Variants in PCNX2 observed in about 807,000 individuals in gnomAD.
PCNX2 encodes the protein pecanex 2, also known as pecanex-like protein 2.
PCNX2 carries 168 observed loss-of-function variants against 223.8 expected under a neutral mutation model. The observed-to-expected ratio is 0.75, with a 90% CI of 0.66 to 0.85. The LOEUF (loss-of-function observed/expected upper bound fraction) is 0.85, where lower values mean the gene tolerates loss of function less well. Among genes scored for constraint, PCNX2 ranks in the 40% least tolerant of loss-of-function variants. The probability of loss-of-function intolerance (pLI) is 0.00; values close to 1 mark genes in which losing one functional copy is unlikely to be tolerated. For synonymous variants in PCNX2, 1,006 were observed against 1,052.6 expected (o/e 0.96, Z 0.86); for missense variants, 2,507 against 2,675.5 (o/e 0.94, Z 1.39).
At chr1:233,191,348 G>A (rs978439619) in intron 15 of PCNX2, among the ~76,000 whole-genome samples, 46 of 152,240 alleles carry the variant, frequency 3.0e-4, no homozygotes, top group African/African-American at 1.1e-3. Context: ...GTTACAGAGA[G>A]CATGCATGTT....
At position 233,113,460 on chromosome 1, in the gene PCNX2, C is replaced by T. The variant is rs138600806; in HGVS notation, c.3838-17597G>A. ...TCAGCATCTCTCTAGAATAATAAAACGCCACCCAACCCCTGCATCCAAGCT... is the reference window on the plus strand; with the variant it reads ...TCAGCATCTCTCTAGAATAATAAAATGCCACCCAACCCCTGCATCCAAGCT... On this transcript the variant is annotated intron_variant, in intron 21 of 33. Coordinates refer to ENST00000258229, the MANE Select transcript of PCNX2 (RefSeq NM_014801.4). Among the ~76,000 whole-genome samples the T allele has an allele frequency of 2.3e-3, 344 of 152,312 alleles. 1 individual carries two copies. Among genetic ancestry groups the T allele is most frequent in the African/African-American group, 7.8e-3 (325 of 41,560 alleles).
intron 27 of PCNX2, among the ~76,000 whole-genome samples, chr1:233,015,034 T>C (rs76659968): frequency 6.6e-6 from 1 of 152,322 alleles, no homozygotes; most frequent in East Asian, 1.9e-4. Context: ...TGATCTGCTT[T>C]TCTGGGATTT....
rs548706952 is a variant in PCNX2, at chr1:233,205,536, A to T, written c.2863+2982T>A. 1.7e-3 allele frequency among the ~76,000 whole-genome samples: 262 copies of T among 152,280 alleles called. 1 individual carries two copies. Among genetic ancestry groups the T allele is most frequent in the Middle Eastern group, 3.4e-3 (1 of 294 alleles). ...TGGTGAAACCCCGTATCTACTAAAA[A>T]ATACAAAAATTAGCTAGGTATGATG... On this transcript the variant is annotated intron_variant, in intron 13 of 33. Coordinates refer to ENST00000258229, the MANE Select transcript of PCNX2 (RefSeq NM_014801.4).
intron 23 of PCNX2, among the ~76,000 whole-genome samples, chr1:233,078,029 G>A (rs1261873439): frequency 6.6e-6 from 1 of 152,204 alleles, no homozygotes; most frequent in African/African-American, 2.4e-5. Context: ...CCAAGAAGCA[G>A]CAACTCTATG....
At position 233,262,173 on chromosome 1, in the gene PCNX2, A is replaced by C; in HGVS notation, c.360-8T>G. The C allele has an allele frequency of 6.2e-7, 1 of 1,613,492 alleles. No homozygotes were observed. Among genetic ancestry groups the C allele is most frequent in the Non-Finnish European group, 8.5e-7 (1 of 1,179,562 alleles). ...TGAATCTGCCTATTATTGCTAACCC[A>C]ACATGAGAAACACAAGAGCAGTGAG... On this transcript the variant is annotated splice_polypyrimidine_tract_variant and splice_region_variant and intron_variant, in intron 2 of 33. Coordinates refer to ENST00000258229, the MANE Select transcript of PCNX2 (RefSeq NM_014801.4).
At chr1:233,226,886 C>T (rs911765419) in intron 10 of PCNX2, among the ~76,000 whole-genome samples, 4 of 152,258 alleles carry the variant, frequency 2.6e-5, no homozygotes, top group South Asian at 4.1e-4. Context: ...TAGGGCAAGA[C>T]GTGAGTACAC....
At chr1:233,101,988 T>C (rs1482377968) in intron 21 of PCNX2, among the ~76,000 whole-genome samples, 10 of 152,176 alleles carry the variant, frequency 6.6e-5, no homozygotes, top group Admixed American at 6.5e-4. Context: ...ATTTAAACTG[T>C]TCCAGTAAGG....
intron 8 of PCNX2, 38 bp downstream of exon 8, chr1:233,250,701 G>A (rs1363388333): frequency 6.4e-7 from 1 of 1,556,370 alleles, no homozygotes; most frequent in Non-Finnish European, 8.7e-7. Context: ...TCCCAGCAAT[G>A]CAACAGCTCT....
intron 23 of PCNX2, among the ~76,000 whole-genome samples, chr1:233,088,521 C>T (rs1056529178): frequency 2.6e-5 from 4 of 152,120 alleles, no homozygotes; most frequent in Admixed American, 2.6e-4. Context: ...TACTCTCTGG[C>T]TCTGTAAATA....
intron 19 of PCNX2, among the ~76,000 whole-genome samples, chr1:233,149,288 A>G (rs1003733431): frequency 3.9e-5 from 6 of 152,248 alleles, no homozygotes; most frequent in Admixed American, 2.0e-4. Flanking sequence ...TGTTTTGTTT[A>G]GACTCTTTAT....
At position 233,160,282 on chromosome 1, in the gene PCNX2, C is replaced by A. The variant is rs1279684434; in HGVS notation, c.3517+1G>T. The A allele has an allele frequency of 6.2e-7, 1 of 1,609,236 alleles. No homozygotes were observed. Among genetic ancestry groups the A allele is most frequent in the Non-Finnish European group, 8.5e-7 (1 of 1,176,922 alleles). On this transcript the variant is annotated splice_donor_variant, in intron 19 of 33. Transcript: ENST00000258229. LOFTEE classifies it high-confidence loss of function. ...TTTTAAATGAGGGATATATTACTAACCTCTCACTTCCCGTTGATGATACTC... is the reference window on the plus strand; with the variant it reads ...TTTTAAATGAGGGATATATTACTAAACTCTCACTTCCCGTTGATGATACTC...
chr1:233,054,430 G>C lies in PCNX2; in HGVS notation c.4189C>G (p.Leu1397Val). Residue 1397 changes from leucine to valine, a missense_variant, in exon 25 of 34, where the codon CTC (leucine) becomes GTC (valine). Around this residue, in one of 3 missense-constraint regions of PCNX2, gnomAD observed 1,372 missense variants for 1,509.4 expected, o/e 0.91. Transcript: ENST00000258229. ...SIFYEHLTRT[L>V]QESLCGDLVL... is the part of the protein sequence containing the mutation. ...AAGTCTCCACAGAGGGACTCCTGGA[G>C]GGTCCTTGTCAAGTGTTCATAAAAA... The C allele has an allele frequency of 6.2e-7, 1 of 1,613,880 alleles. No homozygotes were observed. The highest frequency in any genetic ancestry group is 8.5e-7 in the Non-Finnish European group (1 of 1,179,828).
chr1:233,028,160 T>A (rs939720752), intron 25 of PCNX2, among the ~76,000 whole-genome samples: 1 of 152,212 alleles, frequency 6.6e-6, no homozygotes, highest in African/African-American at 2.4e-5. Flanking sequence ...TAGCACATGG[T>A]GTATTTCGGT....
intron 25 of PCNX2, chr1:233,033,118 C>T: frequency 1.0e-6 from 1 of 985,428 alleles, no homozygotes; most frequent in Non-Finnish European, 1.2e-6. Context: ...GTCAAGCTGG[C>T]AAGGCTGTCT....
intron 19 of PCNX2, among the ~76,000 whole-genome samples, chr1:233,142,536 C>T (rs1677192592): frequency 6.6e-6 from 1 of 152,192 alleles, no homozygotes; most frequent in Admixed American, 6.5e-5. Context: ...CCAGTCTTCT[C>T]TGTGTGGAAA....
At chr1:232,996,990 TTCTC>T (rs908321961) in intron 32 of PCNX2, among the ~76,000 whole-genome samples, 15 of 152,254 alleles carry the variant, frequency 9.9e-5, no homozygotes, top group Admixed American at 9.2e-4. Flanking sequence ...AATTGACTGT[TTCTC>T]TACCTACGCT....
intron 17 of PCNX2, among the ~76,000 whole-genome samples, chr1:233,172,010 ATTTG>A (rs573943981): frequency 5.5e-4 from 83 of 151,750 alleles, no homozygotes; most frequent in African/African-American, 1.3e-3. Flanking sequence ...CAATTGATTC[ATTTG>A]TTTGTTTGTT....
chr1:233,020,737 G>A (rs546736590), intron 26 of PCNX2, among the ~76,000 whole-genome samples: 13 of 152,184 alleles, frequency 8.5e-5, no homozygotes, highest in South Asian at 4.1e-4. Flanking sequence ...ACTGCTAAGC[G>A]GGTTTTAAAC....
rs532260419 is a variant in PCNX2 at position 233,036,119 on chromosome 1, T to C, written c.4352-10720A>G. ...ACAGTGGGATTCTCACCACCCTCCC[T>C]CCCTGCCCCACAAACTTCTCCTGCA... On this transcript the variant is annotated intron_variant, in intron 25 of 33. Coordinates refer to ENST00000258229, the MANE Select transcript of PCNX2 (RefSeq NM_014801.4). Among the ~76,000 whole-genome samples the C allele has an allele frequency of 2.6e-5, 4 of 151,372 alleles. No homozygotes were observed. In the South Asian group the frequency reaches 8.4e-4, roughly 32 times the overall value.
Sources: allele counts gnomAD v4.1 joint callset (sites outside exome capture counted in the v4.1 genomes callset), GRCh38; gene constraint gnomAD v4.1.1; regional missense constraint gnomAD v4.1.1; transcripts MANE v1.5; gene names NCBI Gene and HGNC (gene_info 2026-07-23, HGNC 2026-07-21).